The following PHTF2 variants were observed in gnomAD, a reference collection of about 807,000 sequenced individuals.
The protein encoded by PHTF2 is protein PHTF2.
PHTF2 carries 60 observed loss-of-function variants against 101.2 expected under a neutral mutation model. The observed-to-expected ratio is 0.59, with a 90% CI of 0.48 to 0.73. The LOEUF (loss-of-function observed/expected upper bound fraction) is 0.73, where lower values mean the gene tolerates loss of function less well. Among genes scored for constraint, PHTF2 ranks in the 30% least tolerant of loss-of-function variants. The probability of loss-of-function intolerance (pLI) is 0.00; values close to 1 mark genes in which losing one functional copy is unlikely to be tolerated. For missense variants in PHTF2, 747 were observed against 908.7 expected (o/e 0.82, Z 2.29); for synonymous variants, 311 against 307.3 (o/e 1.01, Z -0.13).
chr7:77,857,991 A>G (rs1183781639), intron 3 of PHTF2, among the ~76,000 whole-genome samples: 2 of 152,228 alleles, frequency 1.3e-5, no homozygotes, highest in Non-Finnish European at 2.9e-5. Context: ...CTAGACTTCT[A>G]ATATCCAAAG....
At chr7:77,811,676 C>A (rs1414725349) in intron 1 of PHTF2, among the ~76,000 whole-genome samples, 1 of 152,154 alleles carries the variant, frequency 6.6e-6, no homozygotes, top group Non-Finnish European at 1.5e-5. Context: ...CATTTTCTTA[C>A]TTTCTGATCC....
intron 11 of PHTF2, among the ~76,000 whole-genome samples, chr7:77,926,161 G>A (rs940641814): frequency 6.6e-6 from 1 of 152,090 alleles, no homozygotes; most frequent in Admixed American, 6.6e-5. Flanking sequence ...ATTAGTTTCC[G>A]TTAAAGTCAT....
At chr7:77,934,488 A>G (rs1393669312) in intron 12 of PHTF2, among the ~76,000 whole-genome samples, 1 of 152,226 alleles carries the variant, frequency 6.6e-6, no homozygotes, top group African/African-American at 2.4e-5. Flanking sequence ...AAAACATGCC[A>G]CCATTTAAGC....
At chr7:77,900,568 G>A (rs1019833960) in intron 5 of PHTF2, 143 bp from the exon 5 acceptor site, 15 of 636,560 alleles carry the variant, frequency 2.4e-5, no homozygotes, top group African/African-American at 7.4e-5. Flanking sequence ...ATTGTGTTCT[G>A]TTTGTAACAA....
intron 2 of PHTF2, among the ~76,000 whole-genome samples, chr7:77,844,028 C>T (rs1312238940): frequency 6.6e-6 from 1 of 152,126 alleles, no homozygotes. Context: ...GGGAGGGTCT[C>T]ACTTTGTCAC....
At chr7:77,816,570 A>T (rs1477200311) in intron 1 of PHTF2, among the ~76,000 whole-genome samples, 1 of 152,242 alleles carries the variant, frequency 6.6e-6, no homozygotes, top group African/African-American at 2.4e-5. Flanking sequence ...TAATTGACGT[A>T]TACATTATTT....
At chr7:77,912,276 A>G (rs1002289847) in intron 9 of PHTF2, among the ~76,000 whole-genome samples, 1 of 152,212 alleles carries the variant, frequency 6.6e-6, no homozygotes, top group Non-Finnish European at 1.5e-5. Flanking sequence ...TAAAAGATGT[A>G]CTGTGTTTAT....
intron 11 of PHTF2, chr7:77,924,200 T>C (rs1686583985): frequency 2.4e-6 from 2 of 848,784 alleles, no homozygotes; most frequent in Admixed American, 6.2e-5. Flanking sequence ...TAGTGCTCTT[T>C]TGCGTTTTTA....
chr7:77,927,191 T>TACACACACACAC (rs1804115642), intron 11 of PHTF2, among the ~76,000 whole-genome samples: 1 of 93,698 alleles, frequency 1.1e-5, no homozygotes, highest in African/African-American at 3.4e-5. Context: ...TATATATATA[T>TACACACACACAC]ATATACATAC....
At chr7:77,923,001 T>C in intron 11 of PHTF2, 1 of 1,232,302 alleles carries the variant, frequency 8.1e-7, no homozygotes, top group Non-Finnish European at 1.0e-6. Context: ...ATGCATTATC[T>C]TTGAAGACTC....
At chr7:77,867,258 TAAA>T (rs1798143465) in intron 3 of PHTF2, among the ~76,000 whole-genome samples, 1 of 152,178 alleles carries the variant, frequency 6.6e-6, no homozygotes, top group East Asian at 1.9e-4. Context: ...GATTAGGGAT[TAAA>T]TGTAACCCTT....
chr7:77,847,980 C>G (rs1319370820), intron 2 of PHTF2, among the ~76,000 whole-genome samples: 1 of 152,148 alleles, frequency 6.6e-6, no homozygotes, highest in Admixed American at 6.5e-5. Flanking sequence ...CTGTGCCTGG[C>G]TTATTTCACT....
chr7:77,885,097 T>C (rs1405310169), intron 3 of PHTF2, among the ~76,000 whole-genome samples: 1 of 152,110 alleles, frequency 6.6e-6, no homozygotes, highest in African/African-American at 2.4e-5. Flanking sequence ...TTTTTTTGTT[T>C]TAAAGAGGTT....
chr7:77,935,240 T>TTC (rs1562964891), intron 12 of PHTF2, among the ~76,000 whole-genome samples: 3 of 119,642 alleles, frequency 2.5e-5, no homozygotes, highest in Non-Finnish European at 3.7e-5. Flanking sequence ...TTTTTTTTTT[T>TTC]CAGACGGAGT....
chr7:77,809,600 A>G (rs1793275704), intron 1 of PHTF2, among the ~76,000 whole-genome samples: 7 of 152,188 alleles, frequency 4.6e-5, no homozygotes, highest in Admixed American at 4.6e-4. Flanking sequence ...ATAATTTCTA[A>G]GGGAGATTAA....
At chr7:77,945,022 A>T (rs1805928621) in intron 16 of PHTF2, among the ~76,000 whole-genome samples, 1 of 152,228 alleles carries the variant, frequency 6.6e-6, no homozygotes, top group Non-Finnish European at 1.5e-5. Context: ...ACATCGTGGG[A>T]GATCCAACAT....
At chr7:77,863,021 G>A (rs1224967547) in intron 3 of PHTF2, among the ~76,000 whole-genome samples, 1 of 152,148 alleles carries the variant, frequency 6.6e-6, no homozygotes, top group East Asian at 1.9e-4. Flanking sequence ...TGTAGATTCA[G>A]CACCAAGGAT....
chr7:77,889,506 AAAAAAACTACC>A (rs1443174727), intron 3 of PHTF2, among the ~76,000 whole-genome samples: 121 of 152,216 alleles, frequency 7.9e-4, no homozygotes, highest in African/African-American at 2.7e-3. Context: ...GCGTCCTCAC[AAAAAAACTACC>A]TCTCCAAAAA....
At chr7:77,811,357 TA>T (rs1793427326) in intron 1 of PHTF2, among the ~76,000 whole-genome samples, 2 of 152,354 alleles carry the variant, frequency 1.3e-5, no homozygotes, top group Admixed American at 6.5e-5. Context: ...TTCTACAAGG[TA>T]AAGTCACTCT....
Sources: allele counts gnomAD v4.1 joint callset (sites outside exome capture counted in the v4.1 genomes callset), GRCh38; gene constraint gnomAD v4.1.1; transcripts MANE v1.5; gene names NCBI Gene and HGNC (gene_info 2026-07-23, HGNC 2026-07-21).